Variants in CCDC7 observed in about 807,000 individuals in gnomAD.
CCDC7 encodes coiled-coil domain-containing protein 7.
In CCDC7, 183 loss-of-function variants were observed where a neutral mutation model predicts 196.9. That is an observed-to-expected ratio of 0.93 (90% CI 0.82 to 1.05). The LOEUF (loss-of-function observed/expected upper bound fraction) is 1.05, where lower values mean the gene tolerates loss of function less well. CCDC7 is among the 50% of genes least tolerant of loss of function. The pLI, the probability that CCDC7 is intolerant of heterozygous loss-of-function variation, is 0.00. For synonymous variants in CCDC7, 525 were observed against 484.6 expected (o/e 1.08, Z -1.10); for missense variants, 1,540 against 1,482.2 (o/e 1.04, Z -0.64).
At chr10:32,536,622 A>G (rs2050543060) in intron 11 of CCDC7, among the ~76,000 whole-genome samples, 1 of 152,142 alleles carries the variant, frequency 6.6e-6, no homozygotes, top group Non-Finnish European at 1.5e-5. Context: ...GGTAATAAGC[A>G]TAGTACCAGA....
intron 13 of CCDC7, among the ~76,000 whole-genome samples, chr10:32,550,466 G>C (rs2053285444): frequency 6.6e-6 from 1 of 152,050 alleles, no homozygotes; most frequent in South Asian, 2.1e-4. Context: ...GGTGAGAATG[G>C]GCATCCTTGT....
At chr10:32,492,657 A>G (rs940556838) in intron 9 of CCDC7, among the ~76,000 whole-genome samples, 1 of 152,062 alleles carries the variant, frequency 6.6e-6, no homozygotes, top group African/African-American at 2.4e-5. Flanking sequence ...GACACAGAAG[A>G]TAGAATGATG....
chr10:32,766,603 T>C (rs111442133), intron 28 of CCDC7, among the ~76,000 whole-genome samples: 2,592 of 152,188 alleles, frequency 0.017, 37 homozygotes, highest in Middle Eastern at 0.037. Flanking sequence ...CTTGGCCTGC[T>C]ATTGGGTGTT....
intron 41 of CCDC7, among the ~76,000 whole-genome samples, chr10:32,874,957 A>C (rs1464472691): frequency 1.3e-5 from 2 of 151,830 alleles, no homozygotes; most frequent in Non-Finnish European, 2.9e-5. Context: ...ATTCATCTTG[A>C]GTCAATTTTT....
In CCDC7 at chr10:32,658,515, A is replaced by C. The variant is rs551438557; in HGVS notation, c.2015-5539A>C. 8.6e-4 allele frequency among the ~76,000 whole-genome samples: 131 copies of C among 152,298 alleles called. 1 individual carries two copies. The highest frequency in any genetic ancestry group is 2.9e-3 in the African/African-American group (119 of 41,580). ...ATGGAGGTTGGCGCCCTCATCATTC[A>C]ATTACCTCCTGCTGGGTCCCTCCCA... On this transcript the variant is annotated intron_variant, in intron 20 of 41. Transcript: ENST00000639629.
At chr10:32,506,728 T>A (rs1196025680) in intron 9 of CCDC7, among the ~76,000 whole-genome samples, 1 of 142,890 alleles carries the variant, frequency 7.0e-6, no homozygotes, top group Admixed American at 6.7e-5. Context: ...GGTGTGTGCC[T>A]GGAATCCCAG....
At position 32,520,604 on chromosome 10, in the gene CCDC7, A is replaced by G. The variant is rs140128155; in HGVS notation, c.993+2099A>G. 3.1e-3 allele frequency among the ~76,000 whole-genome samples: 466 copies of G among 152,076 alleles called. 2 individuals carry two copies. Among genetic ancestry groups the G allele is most frequent in the Non-Finnish European group, 5.2e-3 (356 of 67,928 alleles). ...TCCTGTGGAGTTGTTTGAGCTCCTT[A>G]TATATTCTGATTGTTAATCCCTCAT... On this transcript the variant is annotated intron_variant, in intron 11 of 41. Transcript: ENST00000639629.
At chr10:32,794,534 C>A (rs988182560) in intron 29 of CCDC7, among the ~76,000 whole-genome samples, 1 of 152,134 alleles carries the variant, frequency 6.6e-6, no homozygotes, top group African/African-American at 2.4e-5. Flanking sequence ...AGTTACATTC[C>A]CACCAGCATT....
At chr10:32,584,421 G>A in intron 18 of CCDC7, 117 bp downstream of exon 19, 2 of 602,914 alleles carry the variant, frequency 3.3e-6, no homozygotes, top group South Asian at 3.1e-5. Flanking sequence ...ACTTGTTAGG[G>A]AGTCACTGGA....
At chr10:32,726,663 G>A (rs529008855) in intron 25 of CCDC7, 71 bp from the exon 27 acceptor site, 1 of 821,270 alleles carries the variant, frequency 1.2e-6, no homozygotes, top group South Asian at 1.8e-5. Context: ...TTCAAATATA[G>A]AGATTTCACA....
chr10:32,506,846 T>C (rs1035204168), intron 9 of CCDC7, among the ~76,000 whole-genome samples: 32 of 151,398 alleles, frequency 2.1e-4, no homozygotes, highest in Non-Finnish European at 4.4e-4. Flanking sequence ...AGGGAGACCG[T>C]AGAAAGAAAG....
intron 18 of CCDC7, among the ~76,000 whole-genome samples, chr10:32,603,698 A>G (rs573293357): frequency 2.4e-4 from 37 of 151,534 alleles, no homozygotes; most frequent in Non-Finnish European, 5.2e-4. Context: ...AGATTTCGTT[A>G]TGATTAATGA....
chr10:32,552,178 G>A (rs2053583640), intron 13 of CCDC7, among the ~76,000 whole-genome samples: 1 of 152,186 alleles, frequency 6.6e-6, no homozygotes, highest in Non-Finnish European at 1.5e-5. Flanking sequence ...TTTGGCTGCT[G>A]TTGCTTTAAA....
At chr10:32,714,658 C>T (rs1165145869) in intron 25 of CCDC7, among the ~76,000 whole-genome samples, 3 of 152,180 alleles carry the variant, frequency 2.0e-5, no homozygotes, top group Non-Finnish European at 4.4e-5. Context: ...TTGAAATTCT[C>T]GCAGCCAGCA....
chr10:32,601,444 C>T (rs1326007764), intron 18 of CCDC7, among the ~76,000 whole-genome samples: 2 of 152,202 alleles, frequency 1.3e-5, no homozygotes, highest in Non-Finnish European at 2.9e-5. Context: ...AGACTTCTGA[C>T]AAAGTTGGTT....
rs529956709 is a variant in CCDC7, at chr10:32,528,634, A to ATG, written c.993+10145_993+10146dup. 3.4e-3 allele frequency among the ~76,000 whole-genome samples: 428 copies of ATG among 124,988 alleles called. 1 individual carries two copies. The highest frequency in any genetic ancestry group is 8.3e-3 in the African/African-American group (328 of 39,370). The allele number at this position is 124,988 out of a possible 152,430, so 82.0% of individuals were successfully genotyped here. On this transcript the variant is annotated intron_variant, in intron 11 of 41. Transcript: ENST00000639629. ...TTCCATGGTATTCCATGGTATATGT[A>ATG]TGTGTGTGTGTGTGTGTATATATAT...
chr10:32,507,355 A>G (rs1230390570), intron 9 of CCDC7, among the ~76,000 whole-genome samples: 1 of 152,126 alleles, frequency 6.6e-6, no homozygotes, highest in Non-Finnish European at 1.5e-5. Flanking sequence ...TTAAAAAAAA[A>G]ATCCATTCAG....
chr10:32,531,128 A>G (rs2049589763), intron 11 of CCDC7, among the ~76,000 whole-genome samples: 1 of 151,734 alleles, frequency 6.6e-6, no homozygotes, highest in African/African-American at 2.4e-5. Context: ...ATGGTGATTG[A>G]TTCTTTTTTT....
intron 30 of CCDC7, among the ~76,000 whole-genome samples, chr10:32,807,168 C>A (rs1241861165): frequency 6.6e-6 from 1 of 152,062 alleles, no homozygotes; most frequent in Non-Finnish European, 1.5e-5. Context: ...CTAACTTGAA[C>A]CCATAAAACG....
Sources: gnomAD v4.1 joint callset for allele counts (sites outside exome capture counted in the v4.1 genomes callset) on GRCh38, gnomAD v4.1.1 for gene constraint, MANE v1.5 for transcripts, NCBI Gene and HGNC (gene_info 2026-07-23, HGNC 2026-07-21) for gene names.